Variants in TMEM108 observed in about 807,000 individuals in gnomAD.
The protein encoded by TMEM108 is transmembrane protein 108, also known as cancer/testis antigen 124.
A neutral mutation model predicts 35.1 loss-of-function variants in TMEM108; 12 were observed. The ratio of observed to expected loss-of-function variants is 0.34; its 90% CI spans 0.22 to 0.55. TMEM108 has a LOEUF of 0.55. TMEM108 is among the 20% of genes least tolerant of loss of function. The pLI is 0.89. For missense variants in TMEM108, 680 were observed against 753.3 expected, an observed-to-expected ratio of 0.90 and a Z score of 1.14; for synonymous variants, 287 against 308.6, an observed-to-expected ratio of 0.93 and a Z score of 0.73.
chr3:133,367,333 G>A (rs138406815), intron 3 of TMEM108, among the ~76,000 whole-genome samples: 2 of 152,326 alleles, frequency 1.3e-5, no homozygotes, highest in African/African-American at 4.8e-5. Flanking sequence ...GATGGTATCA[G>A]TATTGATATT....
chr3:133,161,484 A>T (rs1944961138), intron 2 of TMEM108, among the ~76,000 whole-genome samples: 1 of 152,190 alleles, frequency 6.6e-6, no homozygotes, highest in Admixed American at 6.5e-5. Context: ...TGCCTGGAAC[A>T]TAGTAGATAG....
chr3:133,395,347 T>A (rs2073289975), intron 5 of TMEM108, among the ~76,000 whole-genome samples: 1 of 152,158 alleles, frequency 6.6e-6, no homozygotes, highest in Admixed American at 6.5e-5. Flanking sequence ...TCTTGACAGG[T>A]CTGTTAGATC....
intron 2 of TMEM108, among the ~76,000 whole-genome samples, chr3:133,187,375 G>A (rs941862637): frequency 2.0e-5 from 3 of 152,052 alleles, no homozygotes; most frequent in Non-Finnish European, 2.9e-5. Flanking sequence ...GGTGTTATAC[G>A]GAGCTCTTGC....
At chr3:133,307,314 C>T (rs1232816689) in intron 3 of TMEM108, among the ~76,000 whole-genome samples, 1 of 152,124 alleles carries the variant, frequency 6.6e-6, no homozygotes, top group Non-Finnish European at 1.5e-5. Flanking sequence ...TTCTCCCTTT[C>T]TGTAGGTTGC....
chr3:133,135,636 C>G (rs1944555076), intron 2 of TMEM108, among the ~76,000 whole-genome samples: 1 of 152,126 alleles, frequency 6.6e-6, no homozygotes, highest in African/African-American at 2.4e-5. Flanking sequence ...TGTGTGACTG[C>G]ATGGAGAGCC....
At chr3:133,202,454 T>G (rs550328305) in intron 2 of TMEM108, among the ~76,000 whole-genome samples, 1 of 152,336 alleles carries the variant, frequency 6.6e-6, no homozygotes, top group East Asian at 1.9e-4. Flanking sequence ...TAATTCATCT[T>G]GAGTTAATTT....
At chr3:133,098,145 CT>C (rs1170831581) in intron 2 of TMEM108, among the ~76,000 whole-genome samples, 2 of 152,154 alleles carry the variant, frequency 1.3e-5, no homozygotes, top group Non-Finnish European at 2.9e-5. Context: ...TTTAAATGGA[CT>C]TACAGTTTCA....
chr3:133,313,650 C>T (rs538553750), intron 3 of TMEM108, among the ~76,000 whole-genome samples: 1 of 152,314 alleles, frequency 6.6e-6, no homozygotes, highest in South Asian at 2.1e-4. Flanking sequence ...TTTCTGGACA[C>T]ATGCAATGTC....
At chr3:133,247,995 G>A (rs1475272869) in intron 3 of TMEM108, 1 of 152,076 alleles carries the variant, frequency 6.6e-6, no homozygotes, top group Admixed American at 6.6e-5. Flanking sequence ...AGGAGAAAGG[G>A]CAGAATATGA....
At chr3:133,371,437 C>T (rs148759235) in intron 3 of TMEM108, among the ~76,000 whole-genome samples, 3,034 of 152,094 alleles carry the variant, frequency 0.02, 40 homozygotes, top group Non-Finnish European at 0.03. Flanking sequence ...GGCTGAAGGC[C>T]GTGAACCTCA....
intron 2 of TMEM108, among the ~76,000 whole-genome samples, chr3:133,169,105 C>CCCA (rs1422802348): frequency 2.6e-5 from 4 of 152,188 alleles, no homozygotes; most frequent in Admixed American, 2.6e-4. Context: ...AGACCAAGAA[C>CCCA]CCACCAATTC....
intron 2 of TMEM108, among the ~76,000 whole-genome samples, chr3:133,122,988 A>G (rs560992579): frequency 2.6e-5 from 4 of 152,328 alleles, no homozygotes; most frequent in East Asian, 1.9e-4. Context: ...AGTCTCTGCA[A>G]ATTCTACCAG....
chr3:133,358,720 C>G (rs145654790), intron 3 of TMEM108, among the ~76,000 whole-genome samples: 43 of 152,144 alleles, frequency 2.8e-4, no homozygotes, highest in Non-Finnish European at 5.6e-4. Context: ...TCCAGGACAC[C>G]TTCCCTCCAA....
intron 2 of TMEM108, among the ~76,000 whole-genome samples, chr3:133,095,862 G>C (rs1211275437): frequency 2.6e-5 from 4 of 152,192 alleles, no homozygotes; most frequent in Admixed American, 2.6e-4. Flanking sequence ...CCACAGACCA[G>C]TATCAGTCCA....
intron 2 of TMEM108, among the ~76,000 whole-genome samples, chr3:133,128,069 G>C (rs761937720): frequency 2.0e-5 from 3 of 152,178 alleles, no homozygotes; most frequent in Non-Finnish European, 4.4e-5. Flanking sequence ...CAGGTGGATG[G>C]ATAAAGACTT....
In TMEM108 at chr3:133,396,042, A is replaced by G; in HGVS notation, c.*56A>G. On this transcript the variant is annotated 3_prime_UTR_variant, in exon 6 of 6. Transcript: ENST00000321871. ...TTTTTCGTCTCTAAATTATAAATATACAAATACATATATTATAAATATAAC... is the reference window on the plus strand; with the variant it reads ...TTTTTCGTCTCTAAATTATAAATATGCAAATACATATATTATAAATATAAC... 2 of 1,228,764 alleles carry G rather than the reference A, an allele frequency of 1.6e-6. No homozygotes were observed. Among genetic ancestry groups the G allele is most frequent in the South Asian group, 2.7e-5 (1 of 37,110 alleles). The allele number at this position is 1,228,764 out of a possible 1,614,324, so 76.1% of individuals were successfully genotyped here. A position where few individuals can be genotyped will look rare whatever the true frequency, so the allele number is the denominator to read the frequency against.
intron 4 of TMEM108, chr3:133,389,698 A>AG: frequency 7.3e-6 from 1 of 136,392 alleles, no homozygotes; most frequent in Non-Finnish European, 1.5e-5. Context: ...AAAAAAAAAA[A>AG]AAGAAAAAAA....
chr3:133,116,240 A>G (rs924932741), intron 2 of TMEM108, among the ~76,000 whole-genome samples: 1 of 152,166 alleles, frequency 6.6e-6, no homozygotes, highest in Non-Finnish European at 1.5e-5. Context: ...TAATTTCAGC[A>G]TTCTTCCACC....
chr3:133,132,591 CTG>C (rs1944505463), intron 2 of TMEM108, among the ~76,000 whole-genome samples: 1 of 152,064 alleles, frequency 6.6e-6, no homozygotes, highest in Admixed American at 6.5e-5. Context: ...CCCAAAAGCT[CTG>C]AGGGGGATGT....
Sources: allele counts gnomAD v4.1 joint callset (sites outside exome capture counted in the v4.1 genomes callset), GRCh38; gene constraint gnomAD v4.1.1; transcripts MANE v1.5; gene names NCBI Gene and HGNC (gene_info 2026-07-23, HGNC 2026-07-21).